AUTS2: variants seen among roughly 807,000 people sequenced by gnomAD.
The protein encoded by AUTS2 is activator of transcription and developmental regulator AUTS2.
AUTS2 carries 17 observed loss-of-function variants against 112.4 expected under a neutral mutation model. The observed-to-expected ratio is 0.15, with a 90% CI of 0.10 to 0.23. The LOEUF is 0.23. Among genes scored for constraint, AUTS2 ranks in the 10% least tolerant of loss-of-function variants. The pLI is 1.00. For synonymous variants in AUTS2, 751 were observed against 702.7 expected (o/e 1.07, Z -1.09); for missense variants, 1,510 against 1,701.6 (o/e 0.89, Z 1.98).
At chr7:70,361,017 A>C (rs1225625217) in intron 4 of AUTS2, among the ~76,000 whole-genome samples, 2 of 152,136 alleles carry the variant, frequency 1.3e-5, no homozygotes. Flanking sequence ...GATTTGTTTA[A>C]AAGGGTCCTC....
At chr7:69,871,885 CTG>C (rs1319604601) in intron 1 of AUTS2, among the ~76,000 whole-genome samples, 1 of 152,118 alleles carries the variant, frequency 6.6e-6, no homozygotes, top group Non-Finnish European at 1.5e-5. Flanking sequence ...AATTGTGAAA[CTG>C]GAGATAAGGG....
At chr7:69,910,298 G>A (rs1337890876) in intron 2 of AUTS2, among the ~76,000 whole-genome samples, 2 of 152,164 alleles carry the variant, frequency 1.3e-5, no homozygotes, top group African/African-American at 4.8e-5. Context: ...ATGCTCACTG[G>A]GCACTGGGCT....
chr7:70,467,367 A>G (rs76783662), intron 5 of AUTS2, among the ~76,000 whole-genome samples: 6,321 of 152,300 alleles, frequency 0.042, 216 homozygotes, highest in African/African-American at 0.094. Context: ...GGAAACCTCT[A>G]TCTACCTCTG....
At chr7:69,762,192 C>CGGT (rs959086590) in intron 1 of AUTS2, among the ~76,000 whole-genome samples, 1 of 151,606 alleles carries the variant, frequency 6.6e-6, no homozygotes, top group Non-Finnish European at 1.5e-5. Flanking sequence ...GTTTAACTAC[C>CGGT]GGTAACATAA....
chr7:69,876,531 TA>T lies in AUTS2; in HGVS notation c.310-22754del, dbSNP rs1793808315. On this transcript the variant is annotated intron_variant, in intron 1 of 18. Transcript: ENST00000342771. ...ATATATATATATATATATATATATATATATATATATATATTTTCAGTGTTCA... is the reference window on the plus strand; with the variant it reads ...ATATATATATATATATATATATATATTATATATATATATTTTCAGTGTTCA... Among the ~76,000 whole-genome samples, 16 of 69,040 alleles carry T rather than the reference TA, an allele frequency of 2.3e-4. No individual in the cohort carries two copies. The South Asian group carries it at 5.2e-3, about 23-fold the overall frequency. 45.3% of individuals were successfully genotyped at this position (69,040 alleles called of 152,430 possible). A position where few individuals can be genotyped will look rare whatever the true frequency, so the allele number is the denominator to read the frequency against.
intron 4 of AUTS2, among the ~76,000 whole-genome samples, chr7:70,330,318 G>T (rs1468198111): frequency 6.6e-6 from 1 of 152,040 alleles, no homozygotes; most frequent in Admixed American, 6.6e-5. Context: ...TATGAGGTAG[G>T]GGTCCAATTT....
chr7:69,687,227 TAAAG>T (rs1276011894), intron 1 of AUTS2, among the ~76,000 whole-genome samples: 1 of 152,208 alleles, frequency 6.6e-6, no homozygotes, highest in East Asian at 1.9e-4. Flanking sequence ...ATGATAAAAT[TAAAG>T]TAAGTAATTT....
At chr7:70,231,633 C>G (rs1812054995) in intron 4 of AUTS2, among the ~76,000 whole-genome samples, 1 of 151,746 alleles carries the variant, frequency 6.6e-6, no homozygotes, top group Non-Finnish European at 1.5e-5. Flanking sequence ...TTAGTAGACA[C>G]AGCGTTTCGC....
rs1455015241 is a variant in AUTS2 at position 70,170,806 on chromosome 7, C to T, written c.660+36235C>T. 2.0e-5 allele frequency among the ~76,000 whole-genome samples: 3 copies of T among 152,138 alleles called. No homozygotes were observed. The East Asian group carries it at 5.8e-4, about 30-fold the overall frequency. On this transcript the variant is annotated intron_variant, in intron 4 of 18. Transcript: ENST00000342771. Reference sequence around the variant, plus strand: ...TATTTTTAGTAGAGACAGGGTTTCACCATTTTGGCCAGGCTGGTCTTGAAC... The same window carrying T: ...TATTTTTAGTAGAGACAGGGTTTCATCATTTTGGCCAGGCTGGTCTTGAAC...
intron 1 of AUTS2, among the ~76,000 whole-genome samples, chr7:69,737,336 T>G (rs894854974): frequency 3.9e-5 from 6 of 152,180 alleles, no homozygotes; most frequent in Non-Finnish European, 5.9e-5. Flanking sequence ...ATATGTTTGT[T>G]TATATATTCT....
chr7:69,806,406 A>T (rs958664310), intron 1 of AUTS2, among the ~76,000 whole-genome samples: 2 of 151,926 alleles, frequency 1.3e-5, no homozygotes, highest in Admixed American at 6.6e-5. Flanking sequence ...TAAGGGCGTT[A>T]TACTTGTTGA....
chr7:69,682,880 G>A (rs1796864420), intron 1 of AUTS2, among the ~76,000 whole-genome samples: 1 of 152,198 alleles, frequency 6.6e-6, no homozygotes, highest in Admixed American at 6.5e-5. Flanking sequence ...GATCCCAAGA[G>A]TTTGAGGCTG....
At chr7:70,160,396 A>C (rs1808013328) in intron 4 of AUTS2, among the ~76,000 whole-genome samples, 1 of 152,176 alleles carries the variant, frequency 6.6e-6, no homozygotes, top group African/African-American at 2.4e-5. Flanking sequence ...AGATGTGTGA[A>C]TTCTTGACTT....
intron 2 of AUTS2, among the ~76,000 whole-genome samples, chr7:70,110,242 G>A (rs970103211): frequency 7.9e-5 from 12 of 152,334 alleles, no homozygotes; most frequent in East Asian, 1.9e-4. Context: ...AGGGCTGGGC[G>A]CAGTGGCTCA....
intron 1 of AUTS2, among the ~76,000 whole-genome samples, chr7:69,695,467 A>G (rs1489036387): frequency 2.6e-5 from 4 of 152,222 alleles, no homozygotes; most frequent in Non-Finnish European, 5.9e-5. Context: ...CAAAAAAATT[A>G]TTAACTGTTT....
intron 5 of AUTS2, among the ~76,000 whole-genome samples, chr7:70,567,664 G>A (rs891610029): frequency 5.3e-4 from 81 of 152,264 alleles, no homozygotes; most frequent in Non-Finnish European, 7.4e-5. Context: ...ACACAGTGCC[G>A]GCAGAAGCCC....
At chr7:70,555,806 C>CTT (rs35481779) in intron 5 of AUTS2, among the ~76,000 whole-genome samples, 101 of 142,030 alleles carry the variant, frequency 7.1e-4, no homozygotes, top group Middle Eastern at 3.7e-3. Flanking sequence ...CCTCAGGAAG[C>CTT]TTTTTTTTTT....
At chr7:70,078,280 A>G (rs909778782) in intron 2 of AUTS2, among the ~76,000 whole-genome samples, 2 of 152,158 alleles carry the variant, frequency 1.3e-5, no homozygotes, top group African/African-American at 2.4e-5. Context: ...GGCAGGTAGC[A>G]TATACACCAT....
At chr7:70,533,913 G>A (rs564985580) in intron 5 of AUTS2, among the ~76,000 whole-genome samples, 1 of 152,314 alleles carries the variant, frequency 6.6e-6, no homozygotes, top group Non-Finnish European at 1.5e-5. Context: ...TTGGGTGCTG[G>A]AAGTACAGTC....
Sources: allele counts gnomAD v4.1 joint callset (sites outside exome capture counted in the v4.1 genomes callset), GRCh38; gene constraint gnomAD v4.1.1; transcripts MANE v1.5; gene names NCBI Gene and HGNC (gene_info 2026-07-23, HGNC 2026-07-21).